Variants in ARHGAP8 observed in about 807,000 individuals in gnomAD.
The protein encoded by ARHGAP8 is Rho GTPase activating protein 8.
ARHGAP8 carries 62 observed loss-of-function variants against 46.1 expected under a neutral mutation model. That is an observed-to-expected ratio of 1.34 (90% CI 1.10 to 1.66). The LOEUF (loss-of-function observed/expected upper bound fraction) is 1.66. ARHGAP8 is among the 40% of genes most tolerant of loss of function. The pLI, the probability that ARHGAP8 is intolerant of heterozygous loss-of-function variation, is 0.00. For synonymous variants in ARHGAP8, 375 were observed against 243.1 expected (o/e 1.54, Z -5.05); for missense variants, 923 against 568.4 (o/e 1.62, Z -6.34).
At chr22:44,809,947 A>G (rs6007306) in intron 4 of ARHGAP8, 75,298 of 152,006 alleles carry the variant, frequency 0.5, 19,299 homozygotes, top group South Asian at 0.6. Flanking sequence ...TTGGTTCCCC[A>G]TCCTATGTCT....
rs769644605 is a variant in ARHGAP8 at position 44,861,462 on chromosome 22, C to T, written c.982-813C>T. Among the ~76,000 whole-genome samples, 474 of 118,338 alleles carry T rather than the reference C, an allele frequency of 4.0e-3. 6 individuals carry two copies. Among genetic ancestry groups the T allele is most frequent in the Non-Finnish European group, 6.9e-3 (358 of 51,742 alleles). 77.6% of individuals were successfully genotyped at this position (118,338 alleles called of 152,430 possible). Reference sequence around the variant, plus strand: ...CACACCTGCAACGGGCTTGGGGGACCGGCAGCCAGGGGGAGCCTGAAAGGC... The same window carrying T: ...CACACCTGCAACGGGCTTGGGGGACTGGCAGCCAGGGGGAGCCTGAAAGGC... On this transcript the variant is annotated intron_variant, in intron 11 of 11. Coordinates refer to ENST00000356099, the MANE Select transcript of ARHGAP8 (RefSeq NM_181335.3).
At chr22:44,786,336 A>G in intron 1 of ARHGAP8, 121 bp from the exon 2 acceptor site, 1 of 1,273,574 alleles carries the variant, frequency 7.9e-7, no homozygotes, top group Non-Finnish European at 1.1e-6. Flanking sequence ...CGGCTGAGGT[A>G]GGGCGCGTAG....
chr22:44,859,621 A>T, intron 10 of ARHGAP8, 110 bp from the exon 11 acceptor site: 2 of 1,173,092 alleles, frequency 1.7e-6, no homozygotes, highest in Non-Finnish European at 2.4e-6. Flanking sequence ...AATGTGGGAT[A>T]GTCCATCCTC....
intron 5 of ARHGAP8, among the ~76,000 whole-genome samples, chr22:44,815,039 G>A (rs1929638154): frequency 6.6e-6 from 1 of 152,174 alleles, no homozygotes; most frequent in African/African-American, 2.4e-5. Flanking sequence ...ACCCTCAGGT[G>A]CCGTGATTTT....
At chr22:44,796,979 T>C (rs982816156) in intron 2 of ARHGAP8, among the ~76,000 whole-genome samples, 1 of 152,200 alleles carries the variant, frequency 6.6e-6, no homozygotes, top group African/African-American at 2.4e-5. Context: ...TGGGTGTGGC[T>C]GCCAGGGCTC....
At chr22:44,791,128 C>A (rs796736294) in intron 2 of ARHGAP8, among the ~76,000 whole-genome samples, 1 of 152,070 alleles carries the variant, frequency 6.6e-6, no homozygotes, top group African/African-American at 2.4e-5. Flanking sequence ...CTTCTCCCAG[C>A]AAAAAGAAAA....
At chr22:44,802,666 A>AGTCCC (rs1928639922) in intron 3 of ARHGAP8, among the ~76,000 whole-genome samples, 1 of 152,126 alleles carries the variant, frequency 6.6e-6, no homozygotes, top group Non-Finnish European at 1.5e-5. Flanking sequence ...ACCAGTCCCC[A>AGTCCC]AGGTCAAGGC....
chr22:44,801,869 G>T (rs11704704), intron 2 of ARHGAP8: 1 of 595,064 alleles, frequency 1.7e-6, no homozygotes, highest in Non-Finnish European at 3.0e-6. Flanking sequence ...TATTTCCAGC[G>T]TACGGCTGGT....
chr22:44,759,380 G>T (rs934764668), intron 1 of ARHGAP8, among the ~76,000 whole-genome samples: 4 of 152,174 alleles, frequency 2.6e-5, no homozygotes, highest in African/African-American at 9.7e-5. Flanking sequence ...CCCAATCTGG[G>T]GTAGGCAGGG....
intron 1 of ARHGAP8, among the ~76,000 whole-genome samples, chr22:44,758,405 G>C (rs1161449788): frequency 6.6e-6 from 1 of 152,172 alleles, no homozygotes; most frequent in Non-Finnish European, 1.5e-5. Context: ...CTGGGTGACA[G>C]AGTGAGATTC....
chr22:44,802,408 C>T (rs1928622915), intron 3 of ARHGAP8, among the ~76,000 whole-genome samples: 1 of 152,212 alleles, frequency 6.6e-6, no homozygotes, highest in Non-Finnish European at 1.5e-5. Flanking sequence ...CTTTTAGCCA[C>T]CCGAGCTGTG....
intron 10 of ARHGAP8, among the ~76,000 whole-genome samples, chr22:44,855,177 T>C (rs1019106133): frequency 6.6e-6 from 1 of 152,150 alleles, no homozygotes; most frequent in Non-Finnish European, 1.5e-5. Flanking sequence ...CACGTATACA[T>C]AACATACATG....
chr22:44,759,168 T>C (rs1319200774), intron 1 of ARHGAP8, among the ~76,000 whole-genome samples: 1 of 152,174 alleles, frequency 6.6e-6, no homozygotes, highest in Non-Finnish European at 1.5e-5. Context: ...GCTTGTTCTT[T>C]TATTCAACAG....
intron 10 of ARHGAP8, among the ~76,000 whole-genome samples, chr22:44,853,448 G>A (rs758340593): frequency 3.9e-5 from 6 of 152,174 alleles, no homozygotes; most frequent in Non-Finnish European, 5.9e-5. Context: ...AGCTTGGAGC[G>A]TCGTAGCCAG....
chr22:44,854,231 T>TTG lies in ARHGAP8; in HGVS notation c.877+5173_877+5174dup, dbSNP rs1273964733. 1.4e-4 allele frequency among the ~76,000 whole-genome samples: 21 copies of TTG among 145,244 alleles called. 1 individual carries two copies. In the East Asian group the frequency reaches 4.4e-3, roughly 30 times the overall value. On this transcript the variant is annotated intron_variant, in intron 10 of 11. Coordinates refer to ENST00000356099, the MANE Select transcript of ARHGAP8 (RefSeq NM_181335.3). ...TAGTTGTCATTTCAAGGAATTCCCC[T>TTG]TGTATCTTTTTTTTTTTTTTTTTGA...
intron 10 of ARHGAP8, among the ~76,000 whole-genome samples, chr22:44,855,668 G>T (rs1389801575): frequency 2.0e-5 from 3 of 152,054 alleles, no homozygotes; most frequent in Admixed American, 2.0e-4. Flanking sequence ...CTAATCCAAT[G>T]TAACTCGAAA....
At chr22:44,758,990 A>C (rs1924911271) in intron 1 of ARHGAP8, among the ~76,000 whole-genome samples, 1 of 152,198 alleles carries the variant, frequency 6.6e-6, no homozygotes, top group Admixed American at 6.5e-5. Flanking sequence ...AGCAGGCACA[A>C]GTGTGGATGG....
chr22:44,755,133 C>A (rs977008497), intron 1 of ARHGAP8, among the ~76,000 whole-genome samples: 6 of 152,218 alleles, frequency 3.9e-5, no homozygotes, highest in African/African-American at 1.4e-4. Flanking sequence ...CTGTTACTGC[C>A]CCGTTCACAG....
At chr22:44,803,385 C>T (rs1042251574) in intron 3 of ARHGAP8, among the ~76,000 whole-genome samples, 2 of 152,130 alleles carry the variant, frequency 1.3e-5, no homozygotes, top group African/African-American at 4.8e-5. Context: ...GGGCAAGGAA[C>T]CTTTTACTGC....
Sources: allele counts gnomAD v4.1 joint callset (sites outside exome capture counted in the v4.1 genomes callset), GRCh38; gene constraint gnomAD v4.1.1; transcripts MANE v1.5; gene names NCBI Gene and HGNC (gene_info 2026-07-23, HGNC 2026-07-21).